SEPTIN2: variants seen among roughly 807,000 people sequenced by gnomAD.
SEPTIN2 encodes septin-2.
SEPTIN2 carries 34 observed loss-of-function variants against 46.5 expected under a neutral mutation model. The observed-to-expected ratio is 0.73, with a 90% confidence interval of 0.56 to 0.97. The LOEUF (loss-of-function observed/expected upper bound fraction) is 0.97. SEPTIN2 is among the 50% of genes least tolerant of loss of function. SEPTIN2 has a pLI of 0.00. For missense variants in SEPTIN2, 347 were observed against 448.4 expected (o/e 0.77, Z 2.04); for synonymous variants, 175 against 153.4 (o/e 1.14, Z -1.04).
intron 7 of SEPTIN2, among the ~76,000 whole-genome samples, chr2:241,338,073 T>TAAA (rs1461713133): frequency 2.0e-5 from 3 of 152,220 alleles, no homozygotes; most frequent in Non-Finnish European, 4.4e-5. Context: ...CCATGGGAGT[T>TAAA]AAATGACTCA....
intron 3 of SEPTIN2, among the ~76,000 whole-genome samples, chr2:241,333,694 G>A (rs576821225): frequency 1.9e-4 from 29 of 151,810 alleles, no homozygotes; most frequent in African/African-American, 7.0e-4. Context: ...TAGTAGAGAC[G>A]GGGTTTCACC....
intron 7 of SEPTIN2, among the ~76,000 whole-genome samples, chr2:241,341,183 G>C (rs975680626): frequency 1.3e-5 from 2 of 152,060 alleles, no homozygotes; most frequent in African/African-American, 4.8e-5. Context: ...TATTTCTGTG[G>C]CTTCTGATTT....
At chr2:241,331,212 G>T (rs561107470) in intron 3 of SEPTIN2, among the ~76,000 whole-genome samples, 1 of 152,166 alleles carries the variant, frequency 6.6e-6, no homozygotes, top group East Asian at 1.9e-4. Context: ...ACAAACAAGA[G>T]TATTAATAAT....
At chr2:241,351,930 A>G (rs998255198) in intron 12 of SEPTIN2, 37 bp from the exon 13 acceptor site, 5 of 152,520 alleles carry the variant, frequency 3.3e-5, no homozygotes, top group African/African-American at 1.2e-4. Context: ...ACATTGCCTC[A>G]CTCCCACTTA....
At chr2:241,316,958 C>G (rs1437473095) in intron 1 of SEPTIN2, 1 of 160,166 alleles carries the variant, frequency 6.2e-6, no homozygotes, top group Admixed American at 6.5e-5. Context: ...GGTATTTGTC[C>G]AGTGGACTAT....
At chr2:241,343,955 G>A (rs577693192) in intron 9 of SEPTIN2, 58 bp downstream of exon 9, 2 of 1,599,028 alleles carry the variant, frequency 1.3e-6, no homozygotes, top group South Asian at 1.1e-5. Flanking sequence ...ATGGATTTCA[G>A]ACGGGGTGTA....
upstream of SEPTIN2, chr2:241,315,685 C>T (rs963461854): frequency 2.6e-5 from 4 of 152,458 alleles, no homozygotes; most frequent in Admixed American, 6.5e-5. Context: ...CCTCCCCCCC[C>T]ACCCCCAGCC....
chr2:241,350,061 G>GT lies in SEPTIN2; in HGVS notation c.985-11dup, dbSNP rs1353359376. 3.1e-6 allele frequency: 5 copies of GT among 1,612,228 alleles called. No individual in the cohort carries two copies. The highest frequency in any genetic ancestry group is 4.2e-6 in the Non-Finnish European group (5 of 1,178,798). The stretch of plus-strand genomic sequence containing the variant: ...AACCTTGAAAACCTATAATGTGTGT[G>GT]TGTGTTCACAGCTCCGCCGCATGCA... On this transcript the variant is annotated splice_polypyrimidine_tract_variant and intron_variant, in intron 11 of 12. Coordinates refer to ENST00000391971, the MANE Select transcript of SEPTIN2 (RefSeq NM_004404.5).
In SEPTIN2 at chr2:241,343,973, C is replaced by G. The variant is rs1022072037; in HGVS notation, c.842+76C>G. ...GATTTCAGACGGGGTGTACACTTGG[C>G]CCCCAAGATAGTTGCAGCCAGCAGC... On this transcript the variant is annotated intron_variant, in intron 9 of 12. Transcript: ENST00000391971. The G allele has an allele frequency of 2.6e-6, 4 of 1,539,086 alleles. No individual in the cohort carries two copies. In the African/African-American group the frequency reaches 4.1e-5, roughly 16 times the overall value.
chr2:241,319,391 A>T (rs2076819825), intron 1 of SEPTIN2, among the ~76,000 whole-genome samples: 1 of 152,256 alleles, frequency 6.6e-6, no homozygotes, highest in Non-Finnish European at 1.5e-5. Flanking sequence ...GAAGCTGGAT[A>T]ATGGATAGCA....
At chr2:241,342,848 ATTTAT>A (rs1441926967) in intron 7 of SEPTIN2, 139 bp from the exon 8 acceptor site, 1 of 588,216 alleles carries the variant, frequency 1.7e-6, no homozygotes, top group African/African-American at 1.9e-5. Flanking sequence ...AGTTTTATAA[ATTTAT>A]TTGACAGTAA....
At chr2:241,350,875 T>C (rs2060727761) in intron 12 of SEPTIN2, among the ~76,000 whole-genome samples, 1 of 152,166 alleles carries the variant, frequency 6.6e-6, no homozygotes, top group Admixed American at 6.5e-5. Context: ...CTCTGAACTG[T>C]CCAGGTGGCC....
At chr2:241,335,004 A>G (rs1559628806) in intron 3 of SEPTIN2, 122 bp from the exon 4 acceptor site, 1 of 664,316 alleles carries the variant, frequency 1.5e-6, no homozygotes, top group Non-Finnish European at 2.7e-6. Flanking sequence ...TACTGTAGGT[A>G]CTAAACACAG....
At chr2:241,332,452 G>A (rs937947197) in intron 3 of SEPTIN2, among the ~76,000 whole-genome samples, 1 of 152,154 alleles carries the variant, frequency 6.6e-6, no homozygotes, top group East Asian at 1.9e-4. Context: ...AGGGGAATAC[G>A]CATTGAAACC....
intron 3 of SEPTIN2, among the ~76,000 whole-genome samples, chr2:241,327,369 C>A (rs937830118): frequency 2.6e-4 from 39 of 151,168 alleles, no homozygotes; most frequent in African/African-American, 9.0e-4. Context: ...ACATTATACA[C>A]TGCAGGAGAA....
intron 7 of SEPTIN2, 67 bp downstream of exon 7, chr2:241,337,857 G>C: frequency 8.8e-7 from 1 of 1,133,418 alleles, no homozygotes; most frequent in Non-Finnish European, 1.3e-6. Flanking sequence ...GAAGAAAGGA[G>C]TGTGTTCCCA....
chr2:241,340,619 CT>C (rs1179622102), intron 7 of SEPTIN2, among the ~76,000 whole-genome samples: 1 of 152,168 alleles, frequency 6.6e-6, no homozygotes, highest in Non-Finnish European at 1.5e-5. Flanking sequence ...TATTAAATTT[CT>C]TTGAGGTAGA....
At position 241,338,981 on chromosome 2, in the gene SEPTIN2, A is replaced by T. The variant is rs1422841554; in HGVS notation, c.594+1191A>T. Among the ~76,000 whole-genome samples, 4 of 110,204 alleles carry T rather than the reference A, an allele frequency of 3.6e-5. 1 individual carries two copies. Among genetic ancestry groups the T allele is most frequent in the South Asian group, 4.9e-4 (2 of 4,122 alleles). 72.3% of individuals were successfully genotyped at this position (110,204 alleles called of 152,430 possible). ...ATATATATTATAAATATAATATATAAATATATTTATAAATATATATAAATA... is the reference window on the plus strand; with the variant it reads ...ATATATATTATAAATATAATATATATATATATTTATAAATATATATAAATA... On this transcript the variant is annotated intron_variant, in intron 7 of 12. Transcript: ENST00000391971.
At chr2:241,330,788 T>C (rs560163645) in intron 3 of SEPTIN2, among the ~76,000 whole-genome samples, 2 of 152,234 alleles carry the variant, frequency 1.3e-5, no homozygotes, top group Admixed American at 6.5e-5. Context: ...GATGCAACAT[T>C]CAAAGTCATT....
Sources: allele counts gnomAD v4.1 joint callset (sites outside exome capture counted in the v4.1 genomes callset), GRCh38; gene constraint gnomAD v4.1.1; transcripts MANE v1.5; gene names NCBI Gene and HGNC (gene_info 2026-07-23, HGNC 2026-07-21).